Variants in MIB1 observed in about 807,000 individuals in gnomAD.
The protein encoded by MIB1 is MIB E3 ubiquitin protein ligase 1, also known as E3 ubiquitin-protein ligase MIB1.
In MIB1, 278 loss-of-function variants were observed where a neutral mutation model predicts 124.5. That is an observed-to-expected ratio of 2.23 (90% confidence interval 2.02 to 2.47). The LOEUF (loss-of-function observed/expected upper bound fraction) is 2.47, where lower values mean the gene tolerates loss of function less well. Ranked by LOEUF, MIB1 falls within the 30% of genes most tolerant of loss-of-function variation. The probability of loss-of-function intolerance (pLI) is 0.00; values close to 1 mark genes in which losing one functional copy is unlikely to be tolerated. For missense variants in MIB1, 957 were observed against 1,254.4 expected (o/e 0.76, Z 3.58); for synonymous variants, 446 against 429.4 (o/e 1.04, Z -0.48).
At chr18:21,774,444 C>T (rs913937934) in intron 4 of MIB1, among the ~76,000 whole-genome samples, 4 of 152,082 alleles carry the variant, frequency 2.6e-5, no homozygotes, top group Non-Finnish European at 4.4e-5. Context: ...AAAAATTAGC[C>T]GGGTTTGATG....
intron 12 of MIB1, chr18:21,825,407 A>G (rs2041915624): frequency 7.0e-6 from 2 of 283,906 alleles, no homozygotes; most frequent in South Asian, 3.0e-5. Flanking sequence ...TGTTGTTGTT[A>G]TTATGAAGCA....
At chr18:21,716,074 A>C (rs2040688558) in intron 1 of MIB1, among the ~76,000 whole-genome samples, 3 of 152,214 alleles carry the variant, frequency 2.0e-5, no homozygotes, top group Non-Finnish European at 4.4e-5. Flanking sequence ...AGGTTACCTA[A>C]AGTTAAGAAG....
upstream of MIB1, among the ~76,000 whole-genome samples, chr18:21,737,557 T>C (rs968435927): frequency 2.0e-5 from 3 of 152,138 alleles, no homozygotes; most frequent in African/African-American, 4.8e-5. Context: ...ACAGGTTAAG[T>C]GCCCCAATTA....
chr18:21,724,988 G>A (rs1236472979), intron 1 of MIB1, among the ~76,000 whole-genome samples: 1 of 146,320 alleles, frequency 6.8e-6, no homozygotes, highest in African/African-American at 2.5e-5. Context: ...CCAGCTACTC[G>A]GGAGGCTGAG....
intron 1 of MIB1, among the ~76,000 whole-genome samples, chr18:21,725,764 AAGG>A (rs1327623020): frequency 3.4e-5 from 5 of 145,914 alleles, no homozygotes; most frequent in African/African-American, 5.3e-5. Context: ...GGAAGGAAGG[AAGG>A]AGGGAGGGAG....
intron 12 of MIB1, 98 bp downstream of exon 12, chr18:21,819,744 T>A: frequency 2.3e-6 from 2 of 858,682 alleles, no homozygotes; most frequent in Non-Finnish European, 3.3e-6. Context: ...TTTGGCTATT[T>A]TAGTATTTTA....
At position 21,857,119 on chromosome 18, in the gene MIB1, C is replaced by T; in HGVS notation, c.2666-11C>T. 6.3e-7 allele frequency: 1 copy of T among 1,593,340 alleles called. No homozygotes were observed. Among genetic ancestry groups the T allele is most frequent in the Non-Finnish European group, 8.6e-7 (1 of 1,161,284 alleles). On this transcript the variant is annotated splice_polypyrimidine_tract_variant and intron_variant, in intron 18 of 20. Coordinates refer to ENST00000261537, the MANE Select transcript of MIB1 (RefSeq NM_020774.4). ...TCTCTTGTAAGAAGTGTCTGTGTTA[C>T]CGTTTTCCAGACTGTGCTAACCTGA... is the stretch of plus-strand genomic sequence containing the variant.
At chr18:21,725,794 G>A (rs1398762268) in intron 1 of MIB1, among the ~76,000 whole-genome samples, 1 of 151,858 alleles carries the variant, frequency 6.6e-6, no homozygotes, top group African/African-American at 2.4e-5. Context: ...AGGGAAGGAA[G>A]GAAGGAAGGA....
intron 7 of MIB1, among the ~76,000 whole-genome samples, chr18:21,797,782 G>C (rs146130177): frequency 6.6e-6 from 1 of 151,966 alleles, no homozygotes; most frequent in Non-Finnish European, 1.5e-5. Flanking sequence ...TTCTCAAAAT[G>C]TACCTTACAG....
chr18:21,844,055 G>A (rs2042114022), intron 14 of MIB1, 37 bp from the exon 15 acceptor site: 1 of 1,608,508 alleles, frequency 6.2e-7, no homozygotes. Context: ...TTATGGATGT[G>A]GACACTTTGC....
At chr18:21,847,186 G>T in intron 16 of MIB1, 61 bp downstream of exon 16, 1 of 1,372,108 alleles carries the variant, frequency 7.3e-7, no homozygotes, top group South Asian at 1.3e-5. Context: ...ATGTGGTTTC[G>T]TAATGGAGGA....
chr18:21,846,736 C>T (rs1383199545), intron 15 of MIB1, among the ~76,000 whole-genome samples: 1 of 152,148 alleles, frequency 6.6e-6, no homozygotes, highest in Non-Finnish European at 1.5e-5. Flanking sequence ...TTTGGTCCAC[C>T]TCTGCAGCTG....
intron 1 of MIB1, among the ~76,000 whole-genome samples, chr18:21,714,559 C>T (rs926068307): frequency 3.9e-5 from 6 of 152,270 alleles, no homozygotes; most frequent in South Asian, 4.1e-4. Flanking sequence ...GTTGGCCTTT[C>T]GGTGCACTAC....
At chr18:21,776,356 AGAGTT>A (rs1002005470) in intron 4 of MIB1, among the ~76,000 whole-genome samples, 2 of 152,114 alleles carry the variant, frequency 1.3e-5, no homozygotes, top group Admixed American at 1.3e-4. Flanking sequence ...ATGCTATAAA[AGAGTT>A]GGGTACTGTG....
intron 1 of MIB1, among the ~76,000 whole-genome samples, chr18:21,744,795 T>C (rs902868215): frequency 5.9e-5 from 9 of 152,262 alleles, no homozygotes; most frequent in African/African-American, 2.2e-4. Flanking sequence ...TCATTAATTA[T>C]AGCGTTAACT....
chr18:21,761,121 A>G (rs1355393464), intron 1 of MIB1, among the ~76,000 whole-genome samples: 1 of 152,134 alleles, frequency 6.6e-6, no homozygotes, highest in Non-Finnish European at 1.5e-5. Context: ...TATAATGTCC[A>G]TTTTGGAAAA....
At chr18:21,756,053 C>T (rs2041027930) in intron 1 of MIB1, among the ~76,000 whole-genome samples, 1 of 152,120 alleles carries the variant, frequency 6.6e-6, no homozygotes, top group East Asian at 1.9e-4. Flanking sequence ...TCATCCCTTA[C>T]CCCCCAGTTT....
chr18:21,825,378 C>T, intron 12 of MIB1: 1 of 275,702 alleles, frequency 3.6e-6, no homozygotes, highest in Non-Finnish European at 7.0e-6. Context: ...TATTTTCTTC[C>T]TTTGAAGGAA....
chr18:21,863,018 C>T (rs763737902), intron 20 of MIB1, among the ~76,000 whole-genome samples: 2 of 152,156 alleles, frequency 1.3e-5, no homozygotes, highest in Non-Finnish European at 2.9e-5. Flanking sequence ...CTTGCTCTGT[C>T]GCCCAGGCTG....
Sources: gnomAD v4.1 joint callset for allele counts (sites outside exome capture counted in the v4.1 genomes callset) on GRCh38, gnomAD v4.1.1 for gene constraint, MANE v1.5 for transcripts, NCBI Gene and HGNC (gene_info 2026-07-23, HGNC 2026-07-21) for gene names.